Variants in HIGD1C observed in about 807,000 individuals in gnomAD.
HIGD1C encodes HIG1 hypoxia inducible domain family member 1C.
In HIGD1C, 11 loss-of-function variants were observed where a neutral mutation model predicts 13.1. That is an observed-to-expected ratio of 0.84 (90% CI 0.53 to 1.39). The LOEUF (loss-of-function observed/expected upper bound fraction) is 1.39. Among genes scored for constraint, HIGD1C ranks in the 40% most tolerant of loss-of-function variants. HIGD1C has a pLI of 0.00. For missense variants in HIGD1C, 110 were observed against 112.0 expected, an observed-to-expected ratio of 0.98 and a Z score of 0.08; for synonymous variants, 36 against 37.7, an observed-to-expected ratio of 0.95 and a Z score of 0.17.
the HIGD1C span, chr12:50,931,634 C>T: frequency 6.7e-5 from 10 of 149,684 alleles, no homozygotes; most frequent in African/African-American, 2.5e-4. Context: ...TCTCTTGAAC[C>T]CAGAAGGCGA....
intron 2 of HIGD1C, among the ~76,000 whole-genome samples, chr12:50,963,000 C>G (rs1399267254): frequency 1.3e-5 from 2 of 149,074 alleles, no homozygotes; most frequent in Non-Finnish European, 3.0e-5. Flanking sequence ...GGTATTTGAA[C>G]TTATATAATT....
At chr12:50,972,291 T>C (rs1939782012), downstream of HIGD1C, among the ~76,000 whole-genome samples, 1 of 152,258 alleles carries the variant, frequency 6.6e-6, no homozygotes, top group Non-Finnish European at 1.5e-5. Context: ...TCCACAATTT[T>C]GTAATCTTAC....
At chr12:50,953,291 T>C (rs2139780076), upstream of HIGD1C, among the ~76,000 whole-genome samples, 1 of 152,354 alleles carries the variant, frequency 6.6e-6, no homozygotes, top group South Asian at 2.1e-4. Context: ...AGTTTTCTGA[T>C]GAAGTCTCAT....
chr12:50,949,004 C>G (rs1370710722), upstream of HIGD1C: 1 of 143,436 alleles, frequency 7.0e-6, no homozygotes, highest in Non-Finnish European at 1.5e-5. Context: ...GCTGTAATGT[C>G]TCCAGCCTAC....
At chr12:50,937,517 C>A in the HIGD1C span, among the ~76,000 whole-genome samples, 23,503 of 152,186 alleles carry the variant, frequency 0.15, 1,991 homozygotes, top group South Asian at 0.27. Flanking sequence ...TCCTTCTCAT[C>A]GCCTGCAACG....
chr12:50,971,918 T>C (rs939597467), downstream of HIGD1C, among the ~76,000 whole-genome samples: 2 of 152,230 alleles, frequency 1.3e-5, no homozygotes, highest in African/African-American at 2.4e-5. Context: ...TTTTTCCCCA[T>C]TGGGACAGAC....
intron 2 of HIGD1C, among the ~76,000 whole-genome samples, chr12:50,965,842 T>C (rs1303562581): frequency 6.6e-6 from 1 of 152,188 alleles, no homozygotes; most frequent in Non-Finnish European, 1.5e-5. Flanking sequence ...CTGTCGAACA[T>C]GGTCTTTCCT....
chr12:50,966,340 C>A (rs1403667157), intron 2 of HIGD1C, among the ~76,000 whole-genome samples: 1 of 152,150 alleles, frequency 6.6e-6, no homozygotes, highest in Non-Finnish European at 1.5e-5. Context: ...TCTAACATAC[C>A]AATCTCCCTA....
downstream of HIGD1C, among the ~76,000 whole-genome samples, chr12:50,971,145 G>A (rs1042087536): frequency 1.2e-4 from 19 of 152,138 alleles, no homozygotes; most frequent in Non-Finnish European, 4.4e-5. Context: ...TTCCCAAAGT[G>A]CTGGGATTAC....
chr12:50,968,212 G>A (rs1431090980), intron 2 of HIGD1C, among the ~76,000 whole-genome samples: 1 of 152,200 alleles, frequency 6.6e-6, no homozygotes, highest in Non-Finnish European at 1.5e-5. Flanking sequence ...TTTATGCGAA[G>A]CTGTTGCTTA....
chr12:50,959,958 G>A (rs2630366), intron 1 of HIGD1C, among the ~76,000 whole-genome samples: 14,627 of 152,170 alleles, frequency 0.096, 1,075 homozygotes, highest in African/African-American at 0.2. Context: ...CCCAGTATCT[G>A]TTATCTGGCT....
the HIGD1C span, among the ~76,000 whole-genome samples, chr12:50,940,904 A>T: frequency 7.6e-4 from 116 of 151,688 alleles, no homozygotes; most frequent in Non-Finnish European, 1.1e-3. Context: ...GAGTGCAGTG[A>T]TACGATCACA....
intron 2 of HIGD1C, among the ~76,000 whole-genome samples, chr12:50,969,285 C>T (rs1363983366): frequency 6.6e-6 from 1 of 150,602 alleles, no homozygotes; most frequent in African/African-American, 2.4e-5. Context: ...GACAGAGAGA[C>T]CCCATCTCAA....
At chr12:50,951,932 A>AG (rs1938911419), upstream of HIGD1C, among the ~76,000 whole-genome samples, 1 of 151,622 alleles carries the variant, frequency 6.6e-6, no homozygotes, top group African/African-American at 2.4e-5. Flanking sequence ...CAAAAAAAAA[A>AG]AAAAAGAAAA....
chr12:50,947,116 T>TCTGCAGACTTAA, the HIGD1C span, among the ~76,000 whole-genome samples: 1 of 152,166 alleles, frequency 6.6e-6, no homozygotes, highest in African/African-American at 2.4e-5. Context: ...CCTGCAGACT[T>TCTGCAGACTTAA]ATTTTTGTGG....
chr12:50,938,027 A>T, the HIGD1C span, among the ~76,000 whole-genome samples: 1 of 152,034 alleles, frequency 6.6e-6, no homozygotes, highest in Non-Finnish European at 1.5e-5. Flanking sequence ...TGGCCCCCCA[A>T]CCTTCTGGCC....
chr12:50,946,519 A>T, the HIGD1C span, among the ~76,000 whole-genome samples: 4 of 151,854 alleles, frequency 2.6e-5, no homozygotes, highest in African/African-American at 9.7e-5. Flanking sequence ...TGCAAATCAA[A>T]ACCACAATGA....
chr12:50,946,350 C>G, the HIGD1C span, among the ~76,000 whole-genome samples: 1 of 152,182 alleles, frequency 6.6e-6, no homozygotes, highest in African/African-American at 2.4e-5. Context: ...GGGTTAATAT[C>G]CAGAATCTAC....
At chr12:50,969,716 C>A (rs2554857) in intron 2 of HIGD1C, among the ~76,000 whole-genome samples, 13,184 of 141,714 alleles carry the variant, frequency 0.093, 880 homozygotes, top group African/African-American at 0.19. Flanking sequence ...AAAAAAAAAA[C>A]AAAAACAAAA....
Sources: allele counts gnomAD v4.1 joint callset (sites outside exome capture counted in the v4.1 genomes callset), GRCh38; gene constraint gnomAD v4.1.1; transcripts MANE v1.5; gene names NCBI Gene and HGNC (gene_info 2026-07-23, HGNC 2026-07-21).